Variants in ASTN2 observed in about 807,000 individuals in gnomAD.
ASTN2 encodes astrotactin 2.
ASTN2 carries 54 observed loss-of-function variants against 139.8 expected under a neutral mutation model. That is an observed-to-expected ratio of 0.39 (90% CI 0.31 to 0.48). The LOEUF (loss-of-function observed/expected upper bound fraction) is 0.48. Ranked by LOEUF, ASTN2 falls within the 20% of genes least tolerant of loss-of-function variation. The probability of loss-of-function intolerance (pLI) is 0.95; values close to 1 mark genes in which losing one functional copy is unlikely to be tolerated. For synonymous variants in ASTN2, 756 were observed against 719.5 expected (o/e 1.05, Z -0.81); for missense variants, 1,565 against 1,725.1 (o/e 0.91, Z 1.64).
chr9:116,470,215 TA>T (rs1436637081), intron 20 of ASTN2, among the ~76,000 whole-genome samples: 1 of 151,528 alleles, frequency 6.6e-6, no homozygotes, highest in Non-Finnish European at 1.5e-5. Flanking sequence ...AAAATAAAAA[TA>T]AAAAATAAAA....
At chr9:116,549,608 C>CA (rs1440678009) in intron 19 of ASTN2, among the ~76,000 whole-genome samples, 2 of 152,198 alleles carry the variant, frequency 1.3e-5, no homozygotes, top group Non-Finnish European at 2.9e-5. Flanking sequence ...GATCCCAGCC[C>CA]AGAGGGCCCT....
chr9:116,486,315 A>G (rs904035736), intron 20 of ASTN2, among the ~76,000 whole-genome samples: 6 of 152,246 alleles, frequency 3.9e-5, no homozygotes, highest in Non-Finnish European at 8.8e-5. Context: ...TAAGTTATGA[A>G]TTAGTAAATG....
chr9:116,581,622 C>T (rs1216108202), intron 19 of ASTN2, among the ~76,000 whole-genome samples: 2 of 152,218 alleles, frequency 1.3e-5, no homozygotes, highest in African/African-American at 2.4e-5. Context: ...TGACATATTG[C>T]ATGATCTGAG....
intron 3 of ASTN2, among the ~76,000 whole-genome samples, chr9:117,178,094 A>G (rs1013995198): frequency 6.6e-6 from 1 of 152,116 alleles, no homozygotes; most frequent in African/African-American, 2.4e-5. Flanking sequence ...CCTTATTTCA[A>G]ATACTCTCTT....
chr9:117,014,754 G>A (rs1455589880), intron 6 of ASTN2, among the ~76,000 whole-genome samples: 1 of 151,984 alleles, frequency 6.6e-6, no homozygotes, highest in Admixed American at 6.6e-5. Flanking sequence ...TACGACTGAT[G>A]TCCTTATAAG....
At chr9:117,236,268 T>C (rs1482690736) in intron 2 of ASTN2, among the ~76,000 whole-genome samples, 1 of 152,144 alleles carries the variant, frequency 6.6e-6, no homozygotes, top group Non-Finnish European at 1.5e-5. Context: ...TACACAAAAA[T>C]TCTGAGGTGC....
chr9:117,379,425 G>A (rs1830207591), intron 1 of ASTN2, among the ~76,000 whole-genome samples: 1 of 152,150 alleles, frequency 6.6e-6, no homozygotes, highest in Non-Finnish European at 1.5e-5. Context: ...CCTTGACAAG[G>A]TGAAGTGATG....
At chr9:117,115,628 G>T (rs565606704) in intron 4 of ASTN2, among the ~76,000 whole-genome samples, 1 of 152,162 alleles carries the variant, frequency 6.6e-6, no homozygotes, top group Admixed American at 6.5e-5. Flanking sequence ...ACAAATAGCT[G>T]TAGTTTCATT....
At chr9:117,154,450 A>G (rs1830390370) in intron 3 of ASTN2, among the ~76,000 whole-genome samples, 1 of 152,058 alleles carries the variant, frequency 6.6e-6, no homozygotes, top group Non-Finnish European at 1.5e-5. Flanking sequence ...GAAGCAGAAG[A>G]ATGGCACTCA....
intron 5 of ASTN2, among the ~76,000 whole-genome samples, chr9:117,071,073 G>A (rs1241912370): frequency 1.3e-5 from 2 of 148,822 alleles, no homozygotes; most frequent in African/African-American, 4.9e-5. Flanking sequence ...TCCTTTGGAG[G>A]AGGAGAGGCG....
At chr9:117,168,006 T>C (rs60522481) in intron 3 of ASTN2, among the ~76,000 whole-genome samples, 278 of 152,254 alleles carry the variant, frequency 1.8e-3, no homozygotes, top group African/African-American at 6.3e-3. Flanking sequence ...GGCAGTATGA[T>C]GGGGTAGAGA....
chr9:117,010,513 T>G (rs1050094037), intron 6 of ASTN2, among the ~76,000 whole-genome samples: 4 of 152,142 alleles, frequency 2.6e-5, no homozygotes, highest in African/African-American at 9.7e-5. Context: ...AGGTAAGAGT[T>G]CATATCCTCA....
intron 16 of ASTN2, among the ~76,000 whole-genome samples, chr9:116,713,331 C>A (rs1431271937): frequency 1.3e-5 from 2 of 151,928 alleles, no homozygotes; most frequent in Non-Finnish European, 2.9e-5. Context: ...GACAAAGGAC[C>A]CTAAAGAGGA....
At chr9:116,762,373 C>T (rs565423226) in intron 13 of ASTN2, among the ~76,000 whole-genome samples, 2 of 152,240 alleles carry the variant, frequency 1.3e-5, no homozygotes, top group South Asian at 2.1e-4. Flanking sequence ...TCTTGCAGGG[C>T]CTCCAAGGAG....
intron 11 of ASTN2, among the ~76,000 whole-genome samples, chr9:116,850,223 T>C (rs908208655): frequency 2.6e-5 from 4 of 152,182 alleles, no homozygotes; most frequent in African/African-American, 9.7e-5. Context: ...TCCCAAGGCC[T>C]CCCCAGTAGC....
chr9:117,323,180 C>T (rs930525084), intron 1 of ASTN2, among the ~76,000 whole-genome samples: 3 of 152,076 alleles, frequency 2.0e-5, no homozygotes, highest in Non-Finnish European at 4.4e-5. Context: ...CACACATATA[C>T]ATATACACAC....
chr9:117,197,916 G>T (rs939939723), intron 3 of ASTN2, among the ~76,000 whole-genome samples: 1 of 151,994 alleles, frequency 6.6e-6, no homozygotes, highest in African/African-American at 2.4e-5. Context: ...TTTAATAATT[G>T]CTAATGAAAA....
intron 16 of ASTN2, among the ~76,000 whole-genome samples, chr9:116,691,763 A>T (rs1860578938): frequency 1.3e-5 from 2 of 152,212 alleles, no homozygotes. Flanking sequence ...TGAATTCGTT[A>T]AAGTCAGTCC....
intron 7 of ASTN2, among the ~76,000 whole-genome samples, chr9:116,990,826 A>T (rs567201303): frequency 5.3e-4 from 80 of 152,352 alleles, no homozygotes; most frequent in African/African-American, 1.9e-3. Flanking sequence ...GTGTCTAAGC[A>T]GCCTGCATCA....
Sources: gnomAD v4.1 joint callset for allele counts (sites outside exome capture counted in the v4.1 genomes callset) on GRCh38, gnomAD v4.1.1 for gene constraint, MANE v1.5 for transcripts, NCBI Gene and HGNC (gene_info 2026-07-23, HGNC 2026-07-21) for gene names.